Variants in ENPP6 observed in about 807,000 individuals in gnomAD.
ENPP6 encodes glycerophosphocholine cholinephosphodiesterase ENPP6.
ENPP6 carries 32 observed loss-of-function variants against 42.0 expected under a neutral mutation model. The observed-to-expected ratio is 0.76, with a 90% CI of 0.58 to 1.02. The LOEUF is 1.02. Among genes scored for constraint, ENPP6 ranks in the 50% least tolerant of loss-of-function variants. ENPP6 has a pLI of 0.00. For missense variants in ENPP6, 552 were observed against 566.8 expected (o/e 0.97, Z 0.27); for synonymous variants, 213 against 216.0 (o/e 0.99, Z 0.12).
chr4:184,203,459 A>C (rs1732937525), intron 1 of ENPP6, among the ~76,000 whole-genome samples: 1 of 152,182 alleles, frequency 6.6e-6, no homozygotes, highest in Non-Finnish European at 1.5e-5. Context: ...CCTTATTAGA[A>C]ATAAGCCCTT....
intron 1 of ENPP6, among the ~76,000 whole-genome samples, chr4:184,198,929 C>T (rs1732845917): frequency 6.6e-6 from 1 of 152,160 alleles, no homozygotes; most frequent in Non-Finnish European, 1.5e-5. Flanking sequence ...TATGTTTTCC[C>T]TCCAACTGGC....
At chr4:184,139,640 G>A (rs1736788563) in intron 2 of ENPP6, among the ~76,000 whole-genome samples, 1 of 92,676 alleles carries the variant, frequency 1.1e-5, no homozygotes, top group Non-Finnish European at 2.4e-5. Flanking sequence ...ATAGTTTACT[G>A]AGAATGATGA....
intron 1 of ENPP6, among the ~76,000 whole-genome samples, chr4:184,209,031 T>A (rs887700574): frequency 1.4e-5 from 2 of 145,132 alleles, no homozygotes; most frequent in African/African-American, 5.1e-5. Flanking sequence ...GGGTCCTGTC[T>A]GTTAGAAGGA....
chr4:184,183,802 C>T (rs759529041), intron 1 of ENPP6, among the ~76,000 whole-genome samples: 1 of 152,208 alleles, frequency 6.6e-6, no homozygotes, highest in South Asian at 2.1e-4. Context: ...GGGAAACACT[C>T]GGCAACTGCC....
At chr4:184,113,884 TC>T (rs1736255502) in intron 5 of ENPP6, among the ~76,000 whole-genome samples, 1 of 151,098 alleles carries the variant, frequency 6.6e-6, no homozygotes, top group Non-Finnish European at 1.5e-5. Flanking sequence ...TCTTTCTTTT[TC>T]CTTCCTTTCT....
chr4:184,113,532 T>G (rs189453354), intron 5 of ENPP6, among the ~76,000 whole-genome samples: 15 of 152,310 alleles, frequency 9.8e-5, no homozygotes, highest in Admixed American at 5.2e-4. Context: ...TTATTCATTT[T>G]CTAATAATGT....
At chr4:184,181,624 A>G (rs912252654) in intron 1 of ENPP6, among the ~76,000 whole-genome samples, 4 of 152,242 alleles carry the variant, frequency 2.6e-5, no homozygotes, top group African/African-American at 9.6e-5. Context: ...CTACAAGGCT[A>G]CAGTAACCAA....
intron 1 of ENPP6, among the ~76,000 whole-genome samples, chr4:184,166,238 C>T (rs1265393675): frequency 6.6e-6 from 1 of 152,076 alleles, no homozygotes; most frequent in African/African-American, 2.4e-5. Context: ...ACACAGTCAT[C>T]GTTAGATTCT....
chr4:184,093,310 T>A (rs2111325829), intron 7 of ENPP6, among the ~76,000 whole-genome samples: 1 of 152,226 alleles, frequency 6.6e-6, no homozygotes, highest in South Asian at 2.1e-4. Context: ...AGGATAAGGG[T>A]CAGCTTCTCC....
intron 1 of ENPP6, among the ~76,000 whole-genome samples, chr4:184,166,869 C>T (rs1346599918): frequency 6.6e-6 from 1 of 152,236 alleles, no homozygotes; most frequent in African/African-American, 2.4e-5. Flanking sequence ...TCCCCAGTGA[C>T]CAGGTTGGCT....
intron 7 of ENPP6, among the ~76,000 whole-genome samples, chr4:184,094,761 C>T (rs745621921): frequency 5.2e-5 from 8 of 152,400 alleles, no homozygotes; most frequent in Admixed American, 1.3e-4. Context: ...TCGCAGGCAG[C>T]TCACTGACTC....
At chr4:184,206,729 A>G (rs1733007165) in intron 1 of ENPP6, among the ~76,000 whole-genome samples, 1 of 152,228 alleles carries the variant, frequency 6.6e-6, no homozygotes, top group Non-Finnish European at 1.5e-5. Flanking sequence ...CCAGAACATG[A>G]TATCTAGTAA....
At chr4:184,105,360 G>A in intron 6 of ENPP6, among the ~76,000 whole-genome samples, 1 of 152,224 alleles carries the variant, frequency 6.6e-6, no homozygotes, top group Non-Finnish European at 1.5e-5. Flanking sequence ...GAGCCAAGAT[G>A]TAGCTCTAGA....
At chr4:184,145,505 G>A (rs1736903128) in intron 2 of ENPP6, among the ~76,000 whole-genome samples, 1 of 152,252 alleles carries the variant, frequency 6.6e-6, no homozygotes, top group Non-Finnish European at 1.5e-5. Context: ...TTTGCCCGCT[G>A]CACGCGTTGT....
rs1421340214 is a variant in ENPP6, at chr4:184,205,097, A to T, written c.241+12482T>A. ...GGCACCCACCACTACAACCAGCTAA[A>T]TTTTTTTGTATTTTTAGTAGAGACA... On this transcript the variant is annotated intron_variant, in intron 1 of 7. Transcript: ENST00000296741. Among the ~76,000 whole-genome samples the T allele has an allele frequency of 3.3e-5, 5 of 151,866 alleles. No homozygotes were observed. In the East Asian group the frequency reaches 7.7e-4, roughly 24 times the overall value.
rs568073969 is a variant in ENPP6 at position 184,112,594 on chromosome 4, T to G, written c.993+78A>C. On this transcript the variant is annotated intron_variant, in intron 6 of 7. Coordinates refer to ENST00000296741, the MANE Select transcript of ENPP6 (RefSeq NM_153343.4). ...GAAAAAATCTTTTATGTATAAAAAC[T>G]TGAGTAACTATTATTTAACTTTGGA... 2,772 of 1,505,776 alleles carry G rather than the reference T, an allele frequency of 1.8e-3. 52 individuals are homozygous for G. In the South Asian group the frequency reaches 0.034, roughly 18 times the overall value. The allele number at this position is 1,505,776 out of a possible 1,614,324, so 93.3% of individuals were successfully genotyped here.
At chr4:184,126,231 C>T (rs76677824) in intron 2 of ENPP6, among the ~76,000 whole-genome samples, 184 of 152,274 alleles carry the variant, frequency 1.2e-3, no homozygotes, top group African/African-American at 4.2e-3. Context: ...TCTCTTAATA[C>T]CTTTACTTAA....
intron 4 of ENPP6, among the ~76,000 whole-genome samples, 171 bp downstream of exon 4, chr4:184,117,588 C>G (rs1436818227): frequency 1.3e-5 from 2 of 152,222 alleles, no homozygotes; most frequent in Non-Finnish European, 2.9e-5. Flanking sequence ...AACAAAGGAT[C>G]ACTTGGTATC....
chr4:184,113,913 T>TTC (rs1157705167), intron 5 of ENPP6, among the ~76,000 whole-genome samples: 7 of 131,966 alleles, frequency 5.3e-5, no homozygotes, highest in African/African-American at 1.7e-4. Context: ...CTTTCTTTCT[T>TTC]TCTTTCTTTC....
Sources: gnomAD v4.1 joint callset for allele counts (sites outside exome capture counted in the v4.1 genomes callset) on GRCh38, gnomAD v4.1.1 for gene constraint, MANE v1.5 for transcripts, NCBI Gene and HGNC (gene_info 2026-07-23, HGNC 2026-07-21) for gene names.